Variants in CDHR1 observed in about 807,000 individuals in gnomAD.
CDHR1 encodes cadherin-related family member 1.
Under a neutral mutation model 72.1 loss-of-function variants are expected in CDHR1, and 61 were observed. The observed-to-expected ratio is 0.85, with a 90% confidence interval of 0.69 to 1.05. The LOEUF (loss-of-function observed/expected upper bound fraction) is 1.05, where lower values mean the gene tolerates loss of function less well. Ranked by LOEUF, CDHR1 falls within the 50% of genes least tolerant of loss-of-function variation. The pLI, the probability that CDHR1 is intolerant of heterozygous loss-of-function variation, is 0.00. For missense variants in CDHR1, 1,186 were observed against 1,115.7 expected (o/e 1.06, Z -0.90); for synonymous variants, 470 against 448.1 (o/e 1.05, Z -0.62).
chr10:84,213,021 T>C, intron 15 of CDHR1, 70 bp from the exon 16 acceptor site: 1 of 1,595,160 alleles, frequency 6.3e-7, no homozygotes, highest in Non-Finnish European at 8.6e-7. Flanking sequence ...CCATATGACG[T>C]GCTGATTTAG....
Position 84,213,312 on chromosome 10 carries a change from C to G in CDHR1, c.2004C>G (p.Thr668=). The change falls in exon 16 of 17, where the codon ACC becomes ACG. Residue 668 remains threonine, a synonymous_variant. Transcript: ENST00000623527. ...AKDRGSPSFS[T]TALLKIDITD... ...ACCGGGGCTCCCCATCCTTCAGCAC[C>G]ACAGCCTTACTCAAGATTGACATCA... 1 of 1,614,232 alleles carries G rather than the reference C, an allele frequency of 6.2e-7. No individual in the cohort carries two copies. Among genetic ancestry groups the G allele is most frequent in the South Asian group, 1.1e-5 (1 of 91,084 alleles).
Position 84,218,370 on chromosome 10 carries a change from C to T in CDHR1, c.*3749C>T, listed in dbSNP as rs1444774623. 2 of 985,312 alleles carry T rather than the reference C, an allele frequency of 2.0e-6. No individual in the cohort carries two copies. Among genetic ancestry groups the T allele is most frequent in the African/African-American group, 1.7e-5 (1 of 57,234 alleles). 61.0% of individuals were successfully genotyped at this position (985,312 alleles called of 1,614,324 possible). ...GTTATAAAATCGTGCACATGTACCCCTTTTGAGGCCTGAATGAGGTTCGGT... is the reference window on the plus strand; with the variant it reads ...GTTATAAAATCGTGCACATGTACCCTTTTTGAGGCCTGAATGAGGTTCGGT... On this transcript the variant is annotated 3_prime_UTR_variant, in exon 17 of 17. Coordinates refer to ENST00000623527, the MANE Select transcript of CDHR1 (RefSeq NM_033100.4).
chr10:84,212,281 C>T lies in CDHR1; in HGVS notation c.1656C>T (p.Asp552=). The T allele has an allele frequency of 6.2e-7, 1 of 1,614,212 alleles. No homozygotes were observed. The highest frequency in any genetic ancestry group is 8.5e-7 in the Non-Finnish European group (1 of 1,180,032). Residue 552 remains aspartate (D), a synonymous_variant, in exon 15 of 17, where the codon GAC becomes GAT. Transcript: ENST00000623527. The part of the protein sequence containing the change: ...ARYNFYVKAE[D]MEGKYSVAEV... ...ACAACTTCTATGTGAAGGCAGAGGA[C>T]ATGGAAGGCAAGTACAGCGTAGCTG...
intron 10 of CDHR1, among the ~76,000 whole-genome samples, chr10:84,207,281 G>A (rs891332068): frequency 6.6e-6 from 1 of 152,112 alleles, no homozygotes; most frequent in Non-Finnish European, 1.5e-5. Flanking sequence ...GGCAGGTAAA[G>A]GAAACCCAGG....
chr10:84,212,359 G>T lies in CDHR1; in HGVS notation c.1734G>T (p.Lys578Asn). Reference sequence around the variant, plus strand: ...ATGACCACCCCCCTCAGTTTGGAAAGAGCGTTCAGAAGAAGACGATGGTGC... The same window carrying T: ...ATGACCACCCCCCTCAGTTTGGAAATAGCGTTCAGAAGAAGACGATGGTGC... ...DVNDHPPQFG[K>N]SVQKKTMVLG... is the part of the protein sequence containing the mutation. The change falls in exon 15 of 17, where the codon AAG (lysine) becomes AAT (asparagine). Residue 578 changes from lysine (K) to asparagine (N), a missense_variant. Transcript: ENST00000623527. The T allele has an allele frequency of 6.2e-7, 1 of 1,614,238 alleles. No individual in the cohort carries two copies. Among genetic ancestry groups the T allele is most frequent in the Admixed American group, 1.7e-5 (1 of 60,030 alleles).
At chr10:84,205,514 TCA>T (rs33921515) in intron 9 of CDHR1, among the ~76,000 whole-genome samples, 3,740 of 144,940 alleles carry the variant, frequency 0.026, 123 homozygotes, top group African/African-American at 0.08. Flanking sequence ...TCTCTTTTCT[TCA>T]CACACACACA....
chr10:84,201,276 A>G (rs1208081903), intron 6 of CDHR1, among the ~76,000 whole-genome samples: 1 of 152,188 alleles, frequency 6.6e-6, no homozygotes, highest in African/African-American at 2.4e-5. Context: ...AGCGCCTGAC[A>G]CTACCCAGCC....
chr10:84,211,558 T>A, intron 13 of CDHR1, 90 bp from the exon 14 acceptor site: 1 of 1,198,684 alleles, frequency 8.3e-7, no homozygotes, highest in East Asian at 2.3e-5. Flanking sequence ...ATCCCCTTGC[T>A]TTGTGGTTGA....
rs1362089667 is a variant in CDHR1, at chr10:84,215,399, G to A, written c.*778G>A. 2 of 985,446 alleles carry A rather than the reference G, an allele frequency of 2.0e-6. No individual in the cohort carries two copies. 61.0% of individuals were successfully genotyped at this position (985,446 alleles called of 1,614,324 possible). On this transcript the variant is annotated 3_prime_UTR_variant, in exon 17 of 17. Coordinates refer to ENST00000623527, the MANE Select transcript of CDHR1 (RefSeq NM_033100.4). ...GGTAGCCCTAAAGGCAACTAGAAGA[G>A]CATCAGGGCTGCTCTCTGAGGAGCT...
intron 10 of CDHR1, among the ~76,000 whole-genome samples, chr10:84,207,953 C>T (rs573703001): frequency 1.3e-5 from 2 of 152,308 alleles, no homozygotes; most frequent in South Asian, 2.1e-4. Flanking sequence ...TCATCAAAAT[C>T]GGCAAGAGAG....
intron 16 of CDHR1, among the ~76,000 whole-genome samples, chr10:84,213,790 A>T (rs1842379729): frequency 6.6e-6 from 1 of 152,192 alleles, no homozygotes; most frequent in Non-Finnish European, 1.5e-5. Context: ...CTAAAGCAGG[A>T]GTTCTGAATC....
chr10:84,202,727 T>G (rs948672716), intron 7 of CDHR1, among the ~76,000 whole-genome samples: 1 of 152,238 alleles, frequency 6.6e-6, no homozygotes, highest in Non-Finnish European at 1.5e-5. Flanking sequence ...ATGCCCCCTC[T>G]CCTGCCACTC....
chr10:84,202,888 C>T (rs1842152665), intron 7 of CDHR1, 92 bp from the exon 8 acceptor site: 1 of 1,442,222 alleles, frequency 6.9e-7, no homozygotes, highest in Admixed American at 1.8e-5. Flanking sequence ...GCCTCACAGC[C>T]ATAGGTGGCA....
chr10:84,199,179 T>A, intron 5 of CDHR1, 58 bp downstream of exon 5: 1 of 1,428,154 alleles, frequency 7.0e-7, no homozygotes, highest in Non-Finnish European at 9.7e-7. Flanking sequence ...AGCCTACCCC[T>A]GGGGCTGCCC....
At position 84,213,462 on chromosome 10, in the gene CDHR1, C is replaced by T. The variant is rs1157490325; in HGVS notation, c.2040+114C>T. The T allele has an allele frequency of 1.6e-5, 23 of 1,416,950 alleles. No individual in the cohort carries two copies. In the East Asian group the frequency reaches 3.9e-4, roughly 24 times the overall value. The allele number at this position is 1,416,950 out of a possible 1,614,324, so 87.8% of individuals were successfully genotyped here. A position where few individuals can be genotyped will look rare whatever the true frequency, so the allele number is the denominator to read the frequency against. The stretch of plus-strand genomic sequence containing the variant: ...CAGGCTTCCTCCAAAAGACACTCAA[C>T]GTTATCAAAGGCAGCCTGTGCCATC... On this transcript the variant is annotated intron_variant, in intron 16 of 16. Coordinates refer to ENST00000623527, the MANE Select transcript of CDHR1 (RefSeq NM_033100.4).
chr10:84,204,396 C>T (rs536580464), intron 8 of CDHR1, 131 bp from the exon 9 acceptor site: 3 of 718,574 alleles, frequency 4.2e-6, no homozygotes, highest in Admixed American at 1.9e-5. Context: ...GGGCCATGCT[C>T]CACCGCCACG....
chr10:84,215,239 A>AGAGACT lies in CDHR1; in HGVS notation c.*620_*625dup, dbSNP rs1220810478. 1.0e-6 allele frequency: 1 copy of AGAGACT among 992,848 alleles called. No homozygotes were observed. The highest frequency in any genetic ancestry group is 1.2e-6 in the Non-Finnish European group (1 of 834,372). The allele number at this position is 992,848 out of a possible 1,614,324, so 61.5% of individuals were successfully genotyped here. A position where few individuals can be genotyped will look rare whatever the true frequency, so the allele number is the denominator to read the frequency against. ...GAAAGATAGAGCATTCTGTCTGGGCAGAGACTGTGGACCCTGGTATGCCCA... is the reference window on the plus strand; with the variant it reads ...GAAAGATAGAGCATTCTGTCTGGGCAGAGACTGAGACTGTGGACCCTGGTATGCCCA... On this transcript the variant is annotated 3_prime_UTR_variant, in exon 17 of 17. Coordinates refer to ENST00000623527, the MANE Select transcript of CDHR1 (RefSeq NM_033100.4).
chr10:84,198,902 AAGAGAGAGAG>A (rs59594596), intron 4 of CDHR1, 120 bp from the exon 5 acceptor site: 9 of 695,786 alleles, frequency 1.3e-5, no homozygotes, highest in South Asian at 9.1e-5. Context: ...TAAAAGAAGG[AAGAGAGAGAG>A]AGAGAGAGAG....
intron 8 of CDHR1, among the ~76,000 whole-genome samples, chr10:84,204,214 G>C (rs1842182250): frequency 6.6e-6 from 1 of 152,188 alleles, no homozygotes; most frequent in African/African-American, 2.4e-5. Context: ...TTAGGGAGCA[G>C]TAGAGGCAAG....
Sources: allele counts gnomAD v4.1 joint callset (sites outside exome capture counted in the v4.1 genomes callset), GRCh38; gene constraint gnomAD v4.1.1; transcripts MANE v1.5; gene names NCBI Gene and HGNC (gene_info 2026-07-23, HGNC 2026-07-21).